Variants in ITSN1 observed in about 807,000 individuals in gnomAD.
ITSN1 encodes intersectin 1.
A neutral mutation model predicts 239.8 loss-of-function variants in ITSN1; 58 were observed. The ratio of observed to expected loss-of-function variants is 0.24; its 90% CI spans 0.20 to 0.30. The LOEUF is 0.30. ITSN1 is among the 10% of genes least tolerant of loss of function. The probability of loss-of-function intolerance (pLI) is 1.00; values close to 1 mark genes in which losing one functional copy is unlikely to be tolerated. For missense variants in ITSN1, 1,558 were observed against 2,103.3 expected (o/e 0.74, Z 5.07); for synonymous variants, 780 against 770.8 (o/e 1.01, Z -0.20).
intron 4 of ITSN1, among the ~76,000 whole-genome samples, chr21:33,727,474 A>C (rs767574997): frequency 6.6e-6 from 1 of 152,066 alleles, no homozygotes; most frequent in Non-Finnish European, 1.5e-5. Context: ...GATTAGATCA[A>C]CTTTGTGATC....
intron 24 of ITSN1, 33 bp from the exon 25 acceptor site, chr21:33,823,454 C>T (rs1375347384): frequency 6.3e-7 from 1 of 1,589,930 alleles, no homozygotes. Flanking sequence ...AACAATCAAG[C>T]TCTCTCCGTA....
intron 1 of ITSN1, among the ~76,000 whole-genome samples, chr21:33,688,082 CTT>C (rs780612985): frequency 1.4e-5 from 2 of 143,214 alleles, no homozygotes; most frequent in Admixed American, 7.0e-5. Context: ...TTTTGTTTGC[CTT>C]TTTTTTTTTT....
At position 33,739,674 on chromosome 21, in the gene ITSN1, ATGTGAAG is replaced by A. The variant is rs537147356; in HGVS notation, c.346+4471_346+4477del. 1.1e-4 allele frequency among the ~76,000 whole-genome samples: 17 copies of A among 152,358 alleles called. No homozygotes were observed. In the South Asian group the frequency reaches 2.3e-3, roughly 20 times the overall value. On this transcript the variant is annotated intron_variant, in intron 5 of 39. Coordinates refer to ENST00000381318, the MANE Select transcript of ITSN1 (RefSeq NM_003024.3). The stretch of plus-strand genomic sequence containing the variant: ...GGAACTGATGTAGATGATGAGAGCC[ATGTGAAG>A]ACCTAGGGGAGAGGCCTTCCAGGCT...
intron 7 of ITSN1, among the ~76,000 whole-genome samples, chr21:33,753,981 T>C (rs1160210864): frequency 6.6e-6 from 1 of 152,132 alleles, no homozygotes; most frequent in Non-Finnish European, 1.5e-5. Context: ...AATGCAGTAT[T>C]GAACTTTTGG....
Position 33,750,186 on chromosome 21 carries a change from T to A in ITSN1, c.390T>A (p.Ala130=), listed in dbSNP as rs552289676. ...GCATGCCACCGCTTACAGCTGTTGC[T>A]CCAGTGCCAATGGGATCCATTCCAG... is the stretch of plus-strand genomic sequence containing the variant. ...IASMPPLTAV[A]PVPMGSIPVV... is the part of the protein sequence containing the mutation. Residue 130 remains alanine, a synonymous_variant, in exon 6 of 40, where the codon GCT becomes GCA. Coordinates refer to ENST00000381318, the MANE Select transcript of ITSN1 (RefSeq NM_003024.3). 4.3e-5 allele frequency: 70 copies of A among 1,614,146 alleles called. No individual in the cohort carries two copies. In the East Asian group the frequency reaches 1.5e-3, roughly 34 times the overall value.
At chr21:33,738,811 T>C (rs1256923947) in intron 5 of ITSN1, among the ~76,000 whole-genome samples, 1 of 151,526 alleles carries the variant, frequency 6.6e-6, no homozygotes, top group Non-Finnish European at 1.5e-5. Context: ...GTTTTTTGTT[T>C]TGAGACAGGG....
chr21:33,781,886 A>AT, intron 15 of ITSN1, 108 bp from the exon 16 acceptor site: 1 of 1,153,544 alleles, frequency 8.7e-7, no homozygotes, highest in Non-Finnish European at 1.2e-6. Flanking sequence ...GCCTTTTCTT[A>AT]TTTTTTAACC....
chr21:33,783,674 C>T (rs1330865011), intron 16 of ITSN1, among the ~76,000 whole-genome samples: 2 of 144,370 alleles, frequency 1.4e-5, no homozygotes, highest in Non-Finnish European at 3.0e-5. Flanking sequence ...TTCATTGTCA[C>T]TTGTCTCTTT....
intron 1 of ITSN1, among the ~76,000 whole-genome samples, chr21:33,705,350 C>T (rs1019378739): frequency 6.6e-6 from 1 of 152,042 alleles, no homozygotes; most frequent in Non-Finnish European, 1.5e-5. Flanking sequence ...ATTTAATATG[C>T]TAGTGCTCTG....
rs111560787 is a variant in ITSN1, at chr21:33,774,221, G to A, written c.1306-508G>A. 7.4e-3 allele frequency: 1,148 copies of A among 156,078 alleles called. 16 individuals are homozygous for A. Among genetic ancestry groups the A allele is most frequent in the African/African-American group, 0.026 (1,090 of 41,584 alleles). 9.7% of individuals were successfully genotyped at this position (156,078 alleles called of 1,614,324 possible). A position where few individuals can be genotyped will look rare whatever the true frequency, so the allele number is the denominator to read the frequency against. On this transcript the variant is annotated intron_variant, in intron 12 of 39. Coordinates refer to ENST00000381318, the MANE Select transcript of ITSN1 (RefSeq NM_003024.3). ...TATCTAGCAGTCGTCAGAGCCAGTC[G>A]TTGGAGGGAGCAAAAGCTTTTGTGG...
At chr21:33,798,469 C>G (rs1445082505) in intron 18 of ITSN1, among the ~76,000 whole-genome samples, 1 of 152,048 alleles carries the variant, frequency 6.6e-6, no homozygotes, top group Non-Finnish European at 1.5e-5. Context: ...AAAGACCAAT[C>G]TAATCGGAAT....
chr21:33,860,498 T>C (rs942125450), intron 31 of ITSN1, among the ~76,000 whole-genome samples: 19 of 152,124 alleles, frequency 1.2e-4, no homozygotes, highest in Non-Finnish European at 1.9e-4. Context: ...CAGCTCCCCA[T>C]ACCTCTCTGT....
At position 33,856,923 on chromosome 21, in the gene ITSN1, G is replaced by A. The variant is rs547187884; in HGVS notation, c.3783+66G>A. On this transcript the variant is annotated intron_variant, in intron 30 of 39. Transcript: ENST00000381318. ...TGACGGAGGGAGAGGGGAGGGTTCC[G>A]TCAAGGAGGTCTATGTCCTGATTCT... 27 of 1,469,596 alleles carry A rather than the reference G, an allele frequency of 1.8e-5. No individual in the cohort carries two copies. The South Asian group carries it at 2.2e-4, about 12-fold the overall frequency. 91.0% of individuals were successfully genotyped at this position (1,469,596 alleles called of 1,614,324 possible).
intron 1 of ITSN1, among the ~76,000 whole-genome samples, chr21:33,677,630 G>A (rs1461704793): frequency 6.6e-6 from 1 of 152,156 alleles, no homozygotes; most frequent in South Asian, 2.1e-4. Flanking sequence ...TTGAGCCACC[G>A]CACCCAGCCC....
rs1158710833 is a variant in ITSN1 at position 33,799,790 on chromosome 21, A to G, written c.2183-18A>G. On this transcript the variant is annotated intron_variant, in intron 18 of 39. Transcript: ENST00000381318. ...GTAATTATTTATTTTTGTCCCCCCC[A>G]CCTTTTTTTGTAAACAGAAAAAGGT... 1.9e-6 allele frequency: 3 copies of G among 1,612,282 alleles called. 1 individual carries two copies. Among genetic ancestry groups the G allele is most frequent in the South Asian group, 2.2e-5 (2 of 90,694 alleles).
At chr21:33,779,077 T>C (rs1204610236) in intron 14 of ITSN1, among the ~76,000 whole-genome samples, 2 of 151,942 alleles carry the variant, frequency 1.3e-5, no homozygotes, top group African/African-American at 2.4e-5. Context: ...CTGGAGTTTG[T>C]TTATTTTTAA....
intron 1 of ITSN1, among the ~76,000 whole-genome samples, chr21:33,670,707 C>G (rs1428107528): frequency 1.3e-5 from 2 of 152,180 alleles, no homozygotes; most frequent in Admixed American, 6.5e-5. Context: ...ATGTATTCAT[C>G]TCAGAATTCA....
At chr21:33,662,670 A>G (rs1308340764) in intron 1 of ITSN1, among the ~76,000 whole-genome samples, 1 of 152,166 alleles carries the variant, frequency 6.6e-6, no homozygotes, top group Non-Finnish European at 1.5e-5. Context: ...AATGGCCTTT[A>G]GATAAAGGAC....
intron 1 of ITSN1, among the ~76,000 whole-genome samples, chr21:33,653,686 C>G (rs992232584): frequency 3.9e-5 from 6 of 152,078 alleles, no homozygotes; most frequent in South Asian, 2.1e-4. Context: ...CCACGCCCAG[C>G]TAATTTTTTG....
Sources: allele counts gnomAD v4.1 joint callset (sites outside exome capture counted in the v4.1 genomes callset), GRCh38; gene constraint gnomAD v4.1.1; transcripts MANE v1.5; gene names NCBI Gene and HGNC (gene_info 2026-07-23, HGNC 2026-07-21).